PCTP: variants seen among roughly 807,000 people sequenced by gnomAD.
PCTP encodes phosphatidylcholine transfer protein.
A neutral mutation model predicts 31.0 loss-of-function variants in PCTP; 27 were observed. The ratio of observed to expected loss-of-function variants is 0.87; its 90% CI spans 0.64 to 1.20. PCTP has a LOEUF of 1.20. Among genes scored for constraint, PCTP ranks in the 50% most tolerant of loss-of-function variants. PCTP has a pLI of 0.00. For missense variants in PCTP, 287 were observed against 268.2 expected (o/e 1.07, Z -0.49); for synonymous variants, 108 against 101.2 (o/e 1.07, Z -0.40).
chr17:55,845,085 CAAAAAAAAAAAAAAAAA>C (rs891404386), downstream of PCTP, among the ~76,000 whole-genome samples: 1 of 32,526 alleles, frequency 3.1e-5, no homozygotes, highest in Non-Finnish European at 5.7e-5. Context: ...AAAACTCCAT[CAAAAAAAAAAAAAAAAA>C]AAAAAAAAAA....
chr17:55,819,328 T>TA (rs1913038872), intron 3 of PCTP, among the ~76,000 whole-genome samples: 1 of 151,892 alleles, frequency 6.6e-6, no homozygotes, highest in Non-Finnish European at 1.5e-5. Flanking sequence ...GAAAAAGAAA[T>TA]AAAAGACATT....
Position 55,773,707 on chromosome 17 carries a change from C to G in PCTP, c.340-17C>G. On this transcript the variant is annotated splice_polypyrimidine_tract_variant and intron_variant, in intron 3 of 5. Transcript: ENST00000268896. ...TACAATGCTGGCGTTGGTGTCTTGCCTTAACTGGCTATGCAGTATGTCTAC... is the reference window on the plus strand; with the variant it reads ...TACAATGCTGGCGTTGGTGTCTTGCGTTAACTGGCTATGCAGTATGTCTAC... 1 of 1,596,402 alleles carries G rather than the reference C, an allele frequency of 6.3e-7. No individual in the cohort carries two copies. Among genetic ancestry groups the G allele is most frequent in the South Asian group, 1.1e-5 (1 of 90,222 alleles).
intron 1 of PCTP, among the ~76,000 whole-genome samples, chr17:55,754,992 G>A (rs1048599324): frequency 3.3e-5 from 5 of 152,022 alleles, no homozygotes; most frequent in African/African-American, 9.7e-5. Context: ...GTATGTATAT[G>A]TATACATTTT....
rs751001129 is a variant in PCTP, at chr17:55,751,087, G to T, written c.-17G>T. The T allele has an allele frequency of 6.5e-5, 99 of 1,524,784 alleles. No individual in the cohort carries two copies. Among genetic ancestry groups the T allele is most frequent in the Non-Finnish European group, 7.9e-5 (90 of 1,136,790 alleles). 94.5% of individuals were successfully genotyped at this position (1,524,784 alleles called of 1,614,324 possible). A position where few individuals can be genotyped will look rare whatever the true frequency, so the allele number is the denominator to read the frequency against. On this transcript the variant is annotated 5_prime_UTR_variant, in exon 1 of 6. Coordinates refer to ENST00000268896, the MANE Select transcript of PCTP (RefSeq NM_021213.4). ...CGCGGCCTGCCCTCCAGGCGGAGGA[G>T]CCCGGACTGCGGAAGGATGGAGCTG...
At chr17:55,852,218 T>C in the PCTP span, among the ~76,000 whole-genome samples, 2 of 152,330 alleles carry the variant, frequency 1.3e-5, no homozygotes, top group Middle Eastern at 3.4e-3. Context: ...GAATTTATCT[T>C]TGAAGAATAA....
intron 3 of PCTP, among the ~76,000 whole-genome samples, chr17:55,794,011 GC>G (rs750452826): frequency 9.9e-5 from 15 of 152,072 alleles, no homozygotes; most frequent in Non-Finnish European, 1.9e-4. Context: ...ACAAAAGTTG[GC>G]TGCATTGCAG....
chr17:55,821,524 T>C (rs973007897), intron 3 of PCTP, among the ~76,000 whole-genome samples: 1 of 152,248 alleles, frequency 6.6e-6, no homozygotes, highest in Non-Finnish European at 1.5e-5. Context: ...ATGTGAATTA[T>C]ATCTCAATAA....
At chr17:55,766,314 G>A (rs984474382) in intron 1 of PCTP, among the ~76,000 whole-genome samples, 2 of 151,138 alleles carry the variant, frequency 1.3e-5, no homozygotes, top group African/African-American at 2.4e-5. Flanking sequence ...ACAATGTGCA[G>A]GTTAGTTACA....
chr17:55,790,938 T>TA (rs1338156423), intron 3 of PCTP, among the ~76,000 whole-genome samples: 1 of 151,460 alleles, frequency 6.6e-6, no homozygotes, highest in East Asian at 1.9e-4. Context: ...AACAGCATGA[T>TA]ACTGGTACCA....
At chr17:55,841,020 G>A (rs1234679454) in intron 5 of PCTP, among the ~76,000 whole-genome samples, 2 of 152,132 alleles carry the variant, frequency 1.3e-5, no homozygotes, top group South Asian at 2.1e-4. Context: ...GCATTTACTG[G>A]GGGTCCGTGA....
chr17:55,822,773 A>G, exon 4 of PCTP: 2 of 1,231,382 alleles, frequency 1.6e-6, no homozygotes, highest in Non-Finnish European at 2.0e-6. Context: ...TCAGAGCAGA[A>G]CCAAGCGGGA....
In PCTP at chr17:55,751,099, G is replaced by C; in HGVS notation, c.-5G>C. On this transcript the variant is annotated 5_prime_UTR_variant, in exon 1 of 6. Coordinates refer to ENST00000268896, the MANE Select transcript of PCTP (RefSeq NM_021213.4). The stretch of plus-strand genomic sequence containing the variant: ...TCCAGGCGGAGGAGCCCGGACTGCG[G>C]AAGGATGGAGCTGGCCGCCGGAAGC... 6.5e-7 allele frequency: 1 copy of C among 1,533,278 alleles called. No individual in the cohort carries two copies. Among genetic ancestry groups the C allele is most frequent in the Non-Finnish European group, 8.8e-7 (1 of 1,140,066 alleles). The allele number at this position is 1,533,278 out of a possible 1,614,324, so 95.0% of individuals were successfully genotyped here. A position where few individuals can be genotyped will look rare whatever the true frequency, so the allele number is the denominator to read the frequency against.
downstream of PCTP, among the ~76,000 whole-genome samples, chr17:55,845,497 T>C (rs973008931): frequency 6.6e-6 from 1 of 152,148 alleles, no homozygotes; most frequent in Non-Finnish European, 1.5e-5. Context: ...AAGGGGGCAG[T>C]GTGGTCCTGC....
exon 4 of PCTP, chr17:55,822,904 G>C: frequency 1.0e-6 from 1 of 952,790 alleles, no homozygotes; most frequent in Non-Finnish European, 1.4e-6. Context: ...CTGAGTCTTT[G>C]TTGAAACACT....
At position 55,831,720 on chromosome 17, in the gene PCTP, AC is replaced by A. The variant is rs1905601875; in HGVS notation, n.505+8794del. On this transcript the variant is annotated intron_variant and non_coding_transcript_variant, in intron 5 of 5. Coordinates refer to the PCTP transcript ENST00000576221. Reference sequence around the variant, plus strand: ...CCCTGTATTTCCCAAATTCCTTTGCACTAGAGTCCCAGATACGATTAGGCTA... The same window carrying A: ...CCCTGTATTTCCCAAATTCCTTTGCATAGAGTCCCAGATACGATTAGGCTA... Among the ~76,000 whole-genome samples the A allele has an allele frequency of 2.6e-5, 4 of 152,262 alleles. No homozygotes were observed. In the Middle Eastern group the frequency reaches 0.01, roughly 388 times the overall value.
intron 3 of PCTP, among the ~76,000 whole-genome samples, chr17:55,821,320 G>A (rs8081629): frequency 0.37 from 56,774 of 152,120 alleles, 16,354 homozygotes; most frequent in African/African-American, 0.81. Context: ...AAATGTTCAG[G>A]ATAGGCAAAT....
Position 55,777,286 on chromosome 17 carries a change from AT to A in PCTP, c.*1189del, listed in dbSNP as rs1312543049. The A allele has an allele frequency of 4.1e-5, 40 of 984,752 alleles. No homozygotes were observed. The highest frequency in any genetic ancestry group is 4.8e-5 in the Non-Finnish European group (40 of 829,068). 61.0% of individuals were successfully genotyped at this position (984,752 alleles called of 1,614,324 possible). A position where few individuals can be genotyped will look rare whatever the true frequency, so the allele number is the denominator to read the frequency against. On this transcript the variant is annotated 3_prime_UTR_variant, in exon 6 of 6. Coordinates refer to ENST00000268896, the MANE Select transcript of PCTP (RefSeq NM_021213.4). ...TCAGGATGTAAAGCCACAGAATGGG[AT>A]TTATTAATGTGGGATACCTCAGACT...
At chr17:55,751,524 C>A in intron 1 of PCTP, 1 of 1,395,864 alleles carries the variant, frequency 7.2e-7, no homozygotes, top group South Asian at 1.2e-5. Context: ...ACAGTTGAAA[C>A]GTGGGTCAGC....
intron 3 of PCTP, among the ~76,000 whole-genome samples, chr17:55,813,158 T>C (rs1362516987): frequency 1.3e-5 from 2 of 152,216 alleles, no homozygotes; most frequent in Non-Finnish European, 1.5e-5. Context: ...AAATTAAAAA[T>C]GAGCAGGGCA....
Sources: gnomAD v4.1 joint callset for allele counts (sites outside exome capture counted in the v4.1 genomes callset) on GRCh38, gnomAD v4.1.1 for gene constraint, MANE v1.5 for transcripts, NCBI Gene and HGNC (gene_info 2026-07-23, HGNC 2026-07-21) for gene names.